The following MED12L variants were observed in gnomAD, a reference collection of about 807,000 sequenced individuals.
The protein encoded by MED12L is mediator of RNA polymerase II transcription subunit 12-like protein.
MED12L carries 60 observed loss-of-function variants against 281.3 expected under a neutral mutation model. The observed-to-expected ratio is 0.21, with a 90% CI of 0.17 to 0.26. MED12L has a LOEUF of 0.26. MED12L is among the 10% of genes least tolerant of loss of function. The probability of loss-of-function intolerance (pLI) is 1.00; values close to 1 mark genes in which losing one functional copy is unlikely to be tolerated. For synonymous variants in MED12L, 974 were observed against 987.2 expected (o/e 0.99, Z 0.25); for missense variants, 2,146 against 2,680.9 (o/e 0.80, Z 4.41).
chr3:151,274,310 G>A (rs1410116197), intron 16 of MED12L, among the ~76,000 whole-genome samples: 1 of 152,194 alleles, frequency 6.6e-6, no homozygotes, highest in African/African-American at 2.4e-5. Context: ...AAGGACAGCT[G>A]CTGTGTATCA....
At chr3:151,294,990 C>T in intron 16 of MED12L, 1 of 1,613,680 alleles carries the variant, frequency 6.2e-7, no homozygotes, top group Non-Finnish European at 8.5e-7. Context: ...ATGAGGTCTG[C>T]AACCACTATG....
At position 151,394,831 on chromosome 3, in the gene MED12L, A is replaced by C; in HGVS notation, c.5784A>C (p.Arg1928=). 2 of 1,614,174 alleles carry C rather than the reference A, an allele frequency of 1.2e-6. No individual in the cohort carries two copies. Among genetic ancestry groups the C allele is most frequent in the Non-Finnish European group, 1.7e-6 (2 of 1,180,036 alleles). The change falls in exon 39 of 45, where the codon CGA becomes CGC. Residue 1928 remains arginine (R), a synonymous_variant. Transcript: ENST00000687756. Reference sequence around the variant, plus strand: ...TTCTGCAGCAGCAGCAGCAACAGCGACTTCTCAGGCAAGCCCAGACTCGGC... The same window carrying C: ...TTCTGCAGCAGCAGCAGCAACAGCGCCTTCTCAGGCAAGCCCAGACTCGGC... ...MKLLQQQQQQ[R]LLRQAQTRPF...
intron 5 of MED12L, among the ~76,000 whole-genome samples, chr3:151,152,873 C>T (rs1718742140): frequency 6.6e-6 from 1 of 152,120 alleles, no homozygotes; most frequent in African/African-American, 2.4e-5. Flanking sequence ...CGCCAGTGAC[C>T]TTTGTGAGCC....
chr3:151,123,834 A>G (rs1714120715), intron 4 of MED12L, among the ~76,000 whole-genome samples: 1 of 152,188 alleles, frequency 6.6e-6, no homozygotes, highest in Admixed American at 6.5e-5. Context: ...AACTCTTTGA[A>G]AATAGTGTCT....
chr3:151,384,247 G>T, intron 35 of MED12L, 29 bp downstream of exon 35: 2 of 1,566,176 alleles, frequency 1.3e-6, no homozygotes, highest in African/African-American at 1.4e-5. Context: ...TGTATTATGA[G>T]CTCAAGTTGT....
intron 16 of MED12L, among the ~76,000 whole-genome samples, chr3:151,243,240 C>A (rs1383858083): frequency 3.3e-5 from 5 of 151,770 alleles, no homozygotes; most frequent in Non-Finnish European, 5.9e-5. Flanking sequence ...GGCAGGCCAA[C>A]GTTCAGATTC....
chr3:151,324,957 T>C (rs1749417852), intron 16 of MED12L, among the ~76,000 whole-genome samples: 1 of 152,250 alleles, frequency 6.6e-6, no homozygotes, highest in Non-Finnish European at 1.5e-5. Context: ...GTTTTTTTGC[T>C]CTGGATATTC....
chr3:151,205,528 T>G (rs981204286), intron 16 of MED12L, among the ~76,000 whole-genome samples: 4 of 152,236 alleles, frequency 2.6e-5, no homozygotes, highest in African/African-American at 9.6e-5. Flanking sequence ...AATGTGCTTT[T>G]TCGGCATAGC....
chr3:151,284,433 C>T (rs572581823), intron 16 of MED12L, among the ~76,000 whole-genome samples: 2 of 152,162 alleles, frequency 1.3e-5, no homozygotes, highest in Non-Finnish European at 2.9e-5. Flanking sequence ...ATTTAATTTC[C>T]TTGGTGGCCT....
chr3:151,279,084 A>T (rs1742384681), intron 16 of MED12L, among the ~76,000 whole-genome samples: 1 of 152,160 alleles, frequency 6.6e-6, no homozygotes, highest in African/African-American at 2.4e-5. Flanking sequence ...TTTCCCATTG[A>T]CTATTAGTGC....
intron 41 of MED12L, 103 bp from the exon 42 acceptor site, chr3:151,413,036 G>A: frequency 1.1e-5 from 14 of 1,317,950 alleles, no homozygotes; most frequent in Non-Finnish European, 1.5e-5. Context: ...GGATTATTGA[G>A]CACTGATTGT....
intron 20 of MED12L, among the ~76,000 whole-genome samples, chr3:151,357,847 T>C (rs1252979322): frequency 1.3e-5 from 2 of 152,230 alleles, no homozygotes; most frequent in East Asian, 3.8e-4. Flanking sequence ...TAGAACAAAT[T>C]ACTTCATTTT....
At chr3:151,228,768 GT>G (rs1731033403) in intron 16 of MED12L, among the ~76,000 whole-genome samples, 1 of 152,194 alleles carries the variant, frequency 6.6e-6, no homozygotes, top group South Asian at 2.1e-4. Flanking sequence ...TGGCTTCAGG[GT>G]TTTGGGAACC....
intron 44 of MED12L, among the ~76,000 whole-genome samples, chr3:151,431,428 T>C (rs1719492824): frequency 1.3e-5 from 2 of 152,180 alleles, no homozygotes; most frequent in African/African-American, 4.8e-5. Flanking sequence ...TCTTACACCT[T>C]AGTGTCTGTC....
intron 16 of MED12L, chr3:151,336,845 T>C (rs1751059030): frequency 5.0e-6 from 1 of 198,874 alleles, no homozygotes; most frequent in South Asian, 8.0e-5. Flanking sequence ...CAACAAAGAA[T>C]GATTTAGAGT....
intron 8 of MED12L, among the ~76,000 whole-genome samples, chr3:151,161,709 A>G: frequency 6.6e-6 from 1 of 152,234 alleles, no homozygotes; most frequent in East Asian, 1.9e-4. Context: ...TTATAACATC[A>G]ATAATGCATA....
intron 5 of MED12L, among the ~76,000 whole-genome samples, chr3:151,155,846 C>T (rs1212356965): frequency 6.6e-6 from 1 of 152,140 alleles, no homozygotes; most frequent in African/African-American, 2.4e-5. Flanking sequence ...GGAGGATCAC[C>T]AGATGGACCC....
chr3:151,370,646 C>T (rs1346871444), intron 26 of MED12L, among the ~76,000 whole-genome samples: 4 of 152,084 alleles, frequency 2.6e-5, no homozygotes, highest in African/African-American at 9.7e-5. Flanking sequence ...CTACTGTGAT[C>T]ATATTTGAAG....
In MED12L at chr3:151,190,781, C is replaced by A. The variant is rs759401964; in HGVS notation, c.1818C>A (p.Phe606Leu). ...FVNLVLLFCE[F>L]IRHDVFSHDA... The stretch of plus-strand genomic sequence containing the variant: ...ACCTGGTGCTGCTCTTCTGCGAGTT[C>A]ATCCGCCATGATGTCTTCTCCCATG... Residue 606 changes from phenylalanine to leucine, a missense_variant, in exon 14 of 45, where the codon TTC (phenylalanine) becomes TTA (leucine). Phe to Leu is a conservative substitution (Grantham distance 22). Coordinates refer to ENST00000687756, the MANE Select transcript of MED12L (RefSeq NM_001393769.1). 1.2e-6 allele frequency: 2 copies of A among 1,614,076 alleles called. No individual in the cohort carries two copies. The highest frequency in any genetic ancestry group is 1.7e-6 in the Non-Finnish European group (2 of 1,180,044).
Sources: allele counts gnomAD v4.1 joint callset (sites outside exome capture counted in the v4.1 genomes callset), GRCh38; gene constraint gnomAD v4.1.1; transcripts MANE v1.5; gene names NCBI Gene and HGNC (gene_info 2026-07-23, HGNC 2026-07-21).